TAF4: variants seen among roughly 807,000 people sequenced by gnomAD.
The protein encoded by TAF4 is TATA-box binding protein associated factor 4.
TAF4 carries 9 observed loss-of-function variants against 90.3 expected under a neutral mutation model. The observed-to-expected ratio is 0.10, with a 90% confidence interval of 0.06 to 0.17. The LOEUF (loss-of-function observed/expected upper bound fraction) is 0.17. Among genes scored for constraint, TAF4 ranks in the 10% least tolerant of loss-of-function variants. TAF4 has a pLI of 1.00. For missense variants in TAF4, 1,351 were observed against 1,370.7 expected, an observed-to-expected ratio of 0.99 and a Z score of 0.23; for synonymous variants, 818 against 638.9, an observed-to-expected ratio of 1.28 and a Z score of -4.23.
intron 1 of TAF4, among the ~76,000 whole-genome samples, chr20:62,032,561 AC>A (rs1372813320): frequency 6.6e-6 from 1 of 152,224 alleles, no homozygotes; most frequent in East Asian, 1.9e-4. Flanking sequence ...GGCTCTCAGC[AC>A]CTGAAACCAC....
At chr20:61,982,466 AC>A (rs1231201867) in intron 14 of TAF4, among the ~76,000 whole-genome samples, 3 of 105,920 alleles carry the variant, frequency 2.8e-5, no homozygotes, top group South Asian at 3.5e-4. Flanking sequence ...CCAAACCCAC[AC>A]CCCACCCAAG....
chr20:61,984,091 A>G (rs1283379516), intron 14 of TAF4, among the ~76,000 whole-genome samples: 4 of 152,234 alleles, frequency 2.6e-5, no homozygotes, highest in Non-Finnish European at 4.4e-5. Flanking sequence ...TGCCTGCCGC[A>G]GAACAGGTCA....
chr20:61,983,602 T>G (rs921182940), intron 14 of TAF4, among the ~76,000 whole-genome samples: 1 of 152,140 alleles, frequency 6.6e-6, no homozygotes, highest in African/African-American at 2.4e-5. Context: ...AAAGTCAAAG[T>G]TGCAGTGAGC....
intron 1 of TAF4, among the ~76,000 whole-genome samples, chr20:62,061,934 G>A (rs1010486150): frequency 4.6e-5 from 7 of 152,272 alleles, no homozygotes; most frequent in East Asian, 1.9e-4. Context: ...TGAAACACTC[G>A]GGCCTAAGGC....
In TAF4 at chr20:62,065,837, C is replaced by A; in HGVS notation, c.-27G>T. On this transcript the variant is annotated 5_prime_UTR_variant, in exon 1 of 15. Coordinates refer to ENST00000252996, the MANE Select transcript of TAF4 (RefSeq NM_003185.4). ...TTTTTTCCTCGGCCGCCGCCGCCGCCGCCGCTCGGGCCGAGCGCGCCTGGG... is the reference window on the plus strand; with the variant it reads ...TTTTTTCCTCGGCCGCCGCCGCCGCAGCCGCTCGGGCCGAGCGCGCCTGGG... 3 of 1,255,088 alleles carry A rather than the reference C, an allele frequency of 2.4e-6. No homozygotes were observed. Among genetic ancestry groups the A allele is most frequent in the Middle Eastern group, 2.2e-4 (1 of 4,574 alleles). 77.7% of individuals were successfully genotyped at this position (1,255,088 alleles called of 1,614,324 possible).
chr20:61,997,321 A>G (rs1372531602), intron 14 of TAF4, among the ~76,000 whole-genome samples: 3 of 152,376 alleles, frequency 2.0e-5, no homozygotes, highest in African/African-American at 4.8e-5. Context: ...ACCTCATCAC[A>G]GTAATCAAAC....
chr20:62,052,156 G>A (rs1469280563), intron 1 of TAF4, among the ~76,000 whole-genome samples: 3 of 152,052 alleles, frequency 2.0e-5, no homozygotes, highest in Non-Finnish European at 2.9e-5. Context: ...GTGCAGTAGC[G>A]GGGTGCAGGC....
intron 1 of TAF4, among the ~76,000 whole-genome samples, chr20:62,044,629 T>C (rs1280681046): frequency 6.6e-6 from 1 of 152,170 alleles, no homozygotes; most frequent in Non-Finnish European, 1.5e-5. Flanking sequence ...TCTGAATCTG[T>C]GTTTAAGTAT....
intron 3 of TAF4, among the ~76,000 whole-genome samples, chr20:62,011,082 A>T (rs1257213069): frequency 1.3e-5 from 2 of 152,198 alleles, no homozygotes; most frequent in Non-Finnish European, 2.9e-5. Flanking sequence ...AGCACGTGGG[A>T]AGCAACTCTG....
chr20:62,001,733 G>A lies in TAF4; in HGVS notation c.2487-1012C>T, dbSNP rs769646430. On this transcript the variant is annotated intron_variant, in intron 9 of 14. Coordinates refer to ENST00000252996, the MANE Select transcript of TAF4 (RefSeq NM_003185.4). ...CTCCAGCTGAAGGACCCGGCCATGG[G>A]AGGGAGGCTGCTCTGCTGACATCCA... Among the ~76,000 whole-genome samples the A allele has an allele frequency of 3.9e-5, 6 of 152,292 alleles. No individual in the cohort carries two copies. In the South Asian group the frequency reaches 6.2e-4, roughly 16 times the overall value.
At chr20:62,004,010 C>T (rs1211813825) in intron 7 of TAF4, 132 bp from the exon 8 acceptor site, 28 of 1,151,328 alleles carry the variant, frequency 2.4e-5, no homozygotes, top group African/African-American at 1.6e-5. Context: ...AGGAAGACCC[C>T]GTGTGCAGCT....
chr20:61,982,755 C>T (rs1279631425), intron 14 of TAF4, among the ~76,000 whole-genome samples: 1 of 150,442 alleles, frequency 6.6e-6, no homozygotes, highest in East Asian at 2.0e-4. Context: ...GCCCAGTGGG[C>T]GGCGGGACTC....
chr20:62,027,803 C>T (rs192906435), intron 1 of TAF4, among the ~76,000 whole-genome samples: 3 of 152,214 alleles, frequency 2.0e-5, no homozygotes, highest in Non-Finnish European at 2.9e-5. Context: ...CAACACACAA[C>T]GGAGGGCACA....
At chr20:62,050,221 A>G (rs1302081359) in intron 1 of TAF4, among the ~76,000 whole-genome samples, 1 of 152,120 alleles carries the variant, frequency 6.6e-6, no homozygotes, top group Non-Finnish European at 1.5e-5. Context: ...AGCAGAAGGA[A>G]GGGCTCCTCC....
chr20:62,001,490 G>A (rs942525101), intron 9 of TAF4, among the ~76,000 whole-genome samples: 6 of 152,166 alleles, frequency 3.9e-5, no homozygotes, highest in African/African-American at 7.2e-5. Flanking sequence ...GAGTCCTGCC[G>A]GGAATTCCAC....
At chr20:62,016,370 G>A (rs1016525188) in intron 1 of TAF4, among the ~76,000 whole-genome samples, 1 of 152,212 alleles carries the variant, frequency 6.6e-6, no homozygotes, top group African/African-American at 2.4e-5. Flanking sequence ...CAGACCCAGC[G>A]TCAATGTGGC....
rs377102223 is a variant in TAF4, at chr20:61,998,110, G to A, written c.2970+26C>T. ...CTACAGTGCACAGCAAAGTGCCCAC[G>A]AGCACTCACGACTAACAGGGCTCAC... On this transcript the variant is annotated intron_variant, in intron 13 of 14. Coordinates refer to ENST00000252996, the MANE Select transcript of TAF4 (RefSeq NM_003185.4). The A allele has an allele frequency of 3.1e-5, 50 of 1,612,662 alleles. No individual in the cohort carries two copies. The African/African-American group carries it at 3.2e-4, about 10-fold the overall frequency.
rs866601841 is a variant in TAF4 at position 62,031,237 on chromosome 20, G to C, written c.1361-16530C>G. On this transcript the variant is annotated intron_variant, in intron 1 of 14. Transcript: ENST00000252996. The stretch of plus-strand genomic sequence containing the variant: ...GGGAGCCTGGGTCCAAGGTCGGAAC[G>C]TGGCCAGGCTGCTCCAGGCTGGGCG... Among the ~76,000 whole-genome samples the C allele has an allele frequency of 2.6e-5, 4 of 152,126 alleles. No homozygotes were observed. The East Asian group carries it at 7.7e-4, about 29-fold the overall frequency.
chr20:61,987,855 T>C (rs1350780017), intron 14 of TAF4, among the ~76,000 whole-genome samples: 1 of 152,214 alleles, frequency 6.6e-6, no homozygotes, highest in African/African-American at 2.4e-5. Flanking sequence ...TAAAATAAAC[T>C]GTGGCACAGC....
Sources: allele counts gnomAD v4.1 joint callset (sites outside exome capture counted in the v4.1 genomes callset), GRCh38; gene constraint gnomAD v4.1.1; transcripts MANE v1.5; gene names NCBI Gene and HGNC (gene_info 2026-07-23, HGNC 2026-07-21).